Variants in ZNF787 observed in about 807,000 individuals in gnomAD.
The protein encoded by ZNF787 is TTF-I-interacting peptide 20.
In ZNF787, 7 loss-of-function variants were observed where a neutral mutation model predicts 16.9. That is an observed-to-expected ratio of 0.42 (90% CI 0.24 to 0.78). The LOEUF (loss-of-function observed/expected upper bound fraction) is 0.78, where lower values mean the gene tolerates loss of function less well. ZNF787 is among the 30% of genes least tolerant of loss of function. ZNF787 has a pLI of 0.30. For synonymous variants in ZNF787, 345 were observed against 270.9 expected (o/e 1.27, Z -2.69); for missense variants, 551 against 589.3 (o/e 0.94, Z 0.67).
intron 1 of ZNF787, among the ~76,000 whole-genome samples, chr19:56,119,075 C>T (rs1239062241): frequency 6.6e-6 from 1 of 152,196 alleles, no homozygotes; most frequent in Non-Finnish European, 1.5e-5. Flanking sequence ...TGGGTCTCAG[C>T]TGCTCTGGGA....
intron 2 of ZNF787, among the ~76,000 whole-genome samples, chr19:56,095,129 CA>C (rs1336181671): frequency 6.6e-6 from 1 of 152,158 alleles, no homozygotes; most frequent in Non-Finnish European, 1.5e-5. Flanking sequence ...ATAAGATTCT[CA>C]TAAGGAACAC....
At chr19:56,104,857 G>A (rs115466791) in intron 1 of ZNF787, among the ~76,000 whole-genome samples, 2,171 of 152,328 alleles carry the variant, frequency 0.014, 49 homozygotes, top group African/African-American at 0.049. Flanking sequence ...GGCTGGATGC[G>A]GTGGCTCCCA....
At chr19:56,114,069 T>C (rs1314100843) in intron 1 of ZNF787, among the ~76,000 whole-genome samples, 2 of 152,112 alleles carry the variant, frequency 1.3e-5, no homozygotes, top group Admixed American at 6.5e-5. Context: ...GTTCATCACC[T>C]CCTTGCCCAA....
At chr19:56,110,541 A>C (rs1310020191) in intron 1 of ZNF787, among the ~76,000 whole-genome samples, 3 of 151,912 alleles carry the variant, frequency 2.0e-5, no homozygotes, top group Non-Finnish European at 4.4e-5. Flanking sequence ...AAGCACAGGA[A>C]AAAAAGGGAA....
At chr19:56,092,878 G>C (rs1173540756) in intron 2 of ZNF787, among the ~76,000 whole-genome samples, 25 of 151,848 alleles carry the variant, frequency 1.6e-4, no homozygotes, top group African/African-American at 6.1e-4. Context: ...AGACACAGGG[G>C]ATGGCGTAAG....
At chr19:56,096,868 A>G (rs2123400113) in intron 2 of ZNF787, among the ~76,000 whole-genome samples, 1 of 152,276 alleles carries the variant, frequency 6.6e-6, no homozygotes, top group Non-Finnish European at 1.5e-5. Context: ...CCTCCTCAGA[A>G]GCGGAATGTC....
intron 2 of ZNF787, chr19:56,101,751 A>G (rs1206288108): frequency 1.3e-5 from 2 of 152,278 alleles, no homozygotes; most frequent in African/African-American, 4.8e-5. Flanking sequence ...GAAAGGGACC[A>G]GCAGTGCCGC....
intron 1 of ZNF787, among the ~76,000 whole-genome samples, chr19:56,109,458 G>A (rs2029917052): frequency 1.3e-5 from 2 of 152,286 alleles, no homozygotes; most frequent in African/African-American, 4.8e-5. Context: ...AGAGACAGCT[G>A]CACACACCAA....
intron 2 of ZNF787, among the ~76,000 whole-genome samples, chr19:56,094,233 T>C (rs988262333): frequency 1.4e-5 from 2 of 145,274 alleles, no homozygotes. Flanking sequence ...CAAGGTTTCA[T>C]GTTGGCCAGG....
rs114482384 is a variant in ZNF787 at position 56,093,588 on chromosome 19, G to T, written c.80-4496C>A. Reference sequence around the variant, plus strand: ...ACACCCTCCTCCCATCCCTTTCCCTGGTCAGTTGTCTGAGGCTCATTCGCT... The same window carrying T: ...ACACCCTCCTCCCATCCCTTTCCCTTGTCAGTTGTCTGAGGCTCATTCGCT... On this transcript the variant is annotated intron_variant, in intron 2 of 2. Transcript: ENST00000610935. 2.2e-3 allele frequency among the ~76,000 whole-genome samples: 339 copies of T among 152,234 alleles called. 1 individual carries two copies. Among genetic ancestry groups the T allele is most frequent in the African/African-American group, 7.9e-3 (327 of 41,520 alleles).
In ZNF787 at chr19:56,118,330, GAGTC is replaced by G. The variant is rs201583911; in HGVS notation, c.-11+2838_-11+2841del. Among the ~76,000 whole-genome samples the G allele has an allele frequency of 8.2e-3, 1,244 of 152,254 alleles. 21 individuals carry two copies. Among genetic ancestry groups the G allele is most frequent in the African/African-American group, 0.028 (1,183 of 41,544 alleles). On this transcript the variant is annotated intron_variant, in intron 1 of 2. Transcript: ENST00000610935. ...AACCAGCCAGCAGCCCTGCGTGTAGGAGTCCTCGTGGACAGTACACCCCACTAGG... is the reference window on the plus strand; with the variant it reads ...AACCAGCCAGCAGCCCTGCGTGTAGGCTCGTGGACAGTACACCCCACTAGG...
chr19:56,108,811 C>G (rs748315783), intron 1 of ZNF787, among the ~76,000 whole-genome samples: 7 of 152,200 alleles, frequency 4.6e-5, no homozygotes, highest in African/African-American at 1.4e-4. Flanking sequence ...GACAGACCCC[C>G]GTGGGCTCTG....
At chr19:56,111,718 G>A (rs904026813) in intron 1 of ZNF787, among the ~76,000 whole-genome samples, 4 of 152,036 alleles carry the variant, frequency 2.6e-5, no homozygotes, top group East Asian at 1.9e-4. Context: ...CTTCCTCTCC[G>A]AGAAGAGGGA....
At chr19:56,117,335 AGT>A (rs1278388366) in intron 1 of ZNF787, among the ~76,000 whole-genome samples, 13 of 150,742 alleles carry the variant, frequency 8.6e-5, no homozygotes, top group South Asian at 4.2e-4. Context: ...CAGAGTGGCT[AGT>A]ACAACCTCAC....
At chr19:56,101,286 G>A (rs1986089578) in intron 2 of ZNF787, among the ~76,000 whole-genome samples, 1 of 152,230 alleles carries the variant, frequency 6.6e-6, no homozygotes, top group African/African-American at 2.4e-5. Context: ...AGCAGCTTGG[G>A]AGCGTGCGCA....
Position 56,087,740 on chromosome 19 carries a change from G to C in ZNF787, c.*283C>G, listed in dbSNP as rs564102332. 6.8e-5 allele frequency: 22 copies of C among 324,518 alleles called. No individual in the cohort carries two copies. The highest frequency in any genetic ancestry group is 4.2e-4 in the African/African-American group (19 of 45,696). The allele number at this position is 324,518 out of a possible 1,614,324, so 20.1% of individuals were successfully genotyped here. On this transcript the variant is annotated 3_prime_UTR_variant, in exon 3 of 3. Coordinates refer to ENST00000610935, the MANE Select transcript of ZNF787 (RefSeq NM_001002836.4). Reference sequence around the variant, plus strand: ...CCGCTTGGGGCCTGGTCGCCACTCGGCCTCTGCAGTTCTCTCCATTGTCTC... The same window carrying C: ...CCGCTTGGGGCCTGGTCGCCACTCGCCCTCTGCAGTTCTCTCCATTGTCTC...
At chr19:56,115,492 G>A (rs2030107890) in intron 1 of ZNF787, among the ~76,000 whole-genome samples, 1 of 151,644 alleles carries the variant, frequency 6.6e-6, no homozygotes. Context: ...CCGAGTAGCT[G>A]GGACTACAGG....
At chr19:56,115,094 CTG>C (rs2123430146) in intron 1 of ZNF787, among the ~76,000 whole-genome samples, 1 of 152,260 alleles carries the variant, frequency 6.6e-6, no homozygotes, top group African/African-American at 2.4e-5. Context: ...CGGGACATCT[CTG>C]TGACACCACG....
intron 1 of ZNF787, 119 bp from the exon 2 acceptor site, chr19:56,103,346 G>T: frequency 1.2e-6 from 1 of 835,884 alleles, no homozygotes; most frequent in Non-Finnish European, 1.8e-6. Flanking sequence ...CGGCAGACAA[G>T]GCACACAGCA....
Sources: gnomAD v4.1 joint callset for allele counts (sites outside exome capture counted in the v4.1 genomes callset) on GRCh38, gnomAD v4.1.1 for gene constraint, MANE v1.5 for transcripts, NCBI Gene and HGNC (gene_info 2026-07-23, HGNC 2026-07-21) for gene names.